GNG7: variants seen among roughly 807,000 people sequenced by gnomAD.
The protein encoded by GNG7 is guanine nucleotide-binding protein G(I)/G(S)/G(O) subunit gamma-7.
In GNG7, 1 loss-of-function variant was observed where a neutral mutation model predicts 4.0. That is an observed-to-expected ratio of 0.25 (90% CI 0.09 to 1.18). GNG7 has a LOEUF of 1.18. Among genes scored for constraint, GNG7 ranks in the 50% most tolerant of loss-of-function variants. The probability of loss-of-function intolerance (pLI) is 0.50; values close to 1 mark genes in which losing one functional copy is unlikely to be tolerated. For missense variants in GNG7, 86 were observed against 91.9 expected (o/e 0.94, Z 0.26); for synonymous variants, 34 against 36.9 (o/e 0.92, Z 0.29).
At chr19:2,568,433 TATAC>T (rs1269186233) in intron 2 of GNG7, among the ~76,000 whole-genome samples, 2 of 135,234 alleles carry the variant, frequency 1.5e-5, no homozygotes, top group Non-Finnish European at 3.2e-5. Context: ...CACACATACA[TATAC>T]ATACACACAT....
At chr19:2,518,023 C>T (rs1291933275) in intron 4 of GNG7, among the ~76,000 whole-genome samples, 1 of 152,200 alleles carries the variant, frequency 6.6e-6, no homozygotes, top group East Asian at 1.9e-4. Flanking sequence ...ATTTGGGAAG[C>T]GGCCCTCCTG....
intron 3 of GNG7, among the ~76,000 whole-genome samples, chr19:2,525,029 G>A (rs1054964671): frequency 1.4e-5 from 2 of 146,876 alleles, no homozygotes; most frequent in Non-Finnish European, 3.0e-5. Flanking sequence ...GTCACCAGCC[G>A]GCACTGACTC....
At chr19:2,561,776 G>A (rs1211582213) in intron 2 of GNG7, among the ~76,000 whole-genome samples, 1 of 152,018 alleles carries the variant, frequency 6.6e-6, no homozygotes, top group Non-Finnish European at 1.5e-5. Flanking sequence ...AGCTACTCGG[G>A]AGGCTGAGGC....
chr19:2,644,153 T>G (rs1357688363), intron 2 of GNG7, among the ~76,000 whole-genome samples: 1 of 151,694 alleles, frequency 6.6e-6, no homozygotes, highest in African/African-American at 2.4e-5. Flanking sequence ...CCCAAGTAGC[T>G]GGGATTACAG....
Position 2,546,603 on chromosome 19 carries a change from G to A in GNG7, c.-38+8546C>T, listed in dbSNP as rs1016756158. Among the ~76,000 whole-genome samples, 3 of 152,202 alleles carry A rather than the reference G, an allele frequency of 2.0e-5. No individual in the cohort carries two copies. Among genetic ancestry groups the A allele is most frequent in the South Asian group, 2.1e-4 (1 of 4,832 alleles). ...GAGGGAATGAATGAGGTGCCCACGA[G>A]AAAGTGAAAAATAGACCAGCGGGGC... On this transcript the variant is annotated intron_variant, in intron 3 of 4. Transcript: ENST00000382159. This position sits in a 1 kb window ranked among gnomAD's most constrained non-coding sequence, Gnocchi z 6.3.
Position 2,614,476 on chromosome 19 carries a change from C to T in GNG7, c.-78+31748G>A, listed in dbSNP as rs1006351153. Among the ~76,000 whole-genome samples the T allele has an allele frequency of 2.0e-5, 3 of 152,140 alleles. No homozygotes were observed. The highest frequency in any genetic ancestry group is 4.4e-5 in the Non-Finnish European group (3 of 68,038). On this transcript the variant is annotated intron_variant, in intron 2 of 4. Coordinates refer to ENST00000382159, the MANE Select transcript of GNG7 (RefSeq NM_052847.3). This position sits in a 1 kb window ranked among gnomAD's most constrained non-coding sequence, Gnocchi z 6.0. ...CCCCCTCCCCAGCCCCTGGCACCCACACATCCCCTTCCTGCCTCTCTAGAC... is the reference window on the plus strand; with the variant it reads ...CCCCCTCCCCAGCCCCTGGCACCCATACATCCCCTTCCTGCCTCTCTAGAC...
intron 1 of GNG7, among the ~76,000 whole-genome samples, chr19:2,649,816 T>C (rs1982762751): frequency 6.6e-6 from 1 of 152,162 alleles, no homozygotes; most frequent in Non-Finnish European, 1.5e-5. Flanking sequence ...CTTTATGTAG[T>C]TCCAGAACAT....
chr19:2,698,706 C>T lies in GNG7; in HGVS notation c.-135+3940G>A, dbSNP rs527773147. 5.9e-5 allele frequency among the ~76,000 whole-genome samples: 9 copies of T among 152,288 alleles called. No individual in the cohort carries two copies. In the South Asian group the frequency reaches 1.7e-3, roughly 28 times the overall value. ...CTCTGGATACGATTTTAAAGACCAT[C>T]GCTGCTTCCAGATGGAACTGAAAAA... On this transcript the variant is annotated intron_variant, in intron 1 of 4. Transcript: ENST00000382159.
intron 2 of GNG7, among the ~76,000 whole-genome samples, chr19:2,621,567 C>G (rs368707560): frequency 2.0e-5 from 3 of 151,346 alleles, no homozygotes; most frequent in Non-Finnish European, 2.9e-5. Context: ...CGTGTTGGTG[C>G]GCGCCTGTAA....
At chr19:2,576,405 G>A (rs1376507494) in intron 2 of GNG7, among the ~76,000 whole-genome samples, 1 of 152,248 alleles carries the variant, frequency 6.6e-6, no homozygotes. Context: ...GTCCCTGGAT[G>A]CTTGCTGACC....
rs149172481 is a variant in GNG7 at position 2,649,579 on chromosome 19, G to A, written c.-134-3299C>T. Reference sequence around the variant, plus strand: ...TAATTTTTGTATTTTTAGTAGAGACGGGGTTTCACCATGTTGGTCAGGCTG... The same window carrying A: ...TAATTTTTGTATTTTTAGTAGAGACAGGGTTTCACCATGTTGGTCAGGCTG... On this transcript the variant is annotated intron_variant, in intron 1 of 4. Transcript: ENST00000382159. 8.6e-3 allele frequency among the ~76,000 whole-genome samples: 1,311 copies of A among 151,716 alleles called. 21 individuals carry two copies. Among genetic ancestry groups the A allele is most frequent in the African/African-American group, 0.03 (1,250 of 41,318 alleles).
intron 3 of GNG7, among the ~76,000 whole-genome samples, chr19:2,541,329 T>A (rs539208024): frequency 6.6e-6 from 1 of 151,852 alleles, no homozygotes; most frequent in Non-Finnish European, 1.5e-5. Context: ...TAAAAATAAA[T>A]GTTCTTGGGG....
At chr19:2,534,378 C>T (rs1427202175) in intron 3 of GNG7, among the ~76,000 whole-genome samples, 1 of 152,218 alleles carries the variant, frequency 6.6e-6, no homozygotes, top group Non-Finnish European at 1.5e-5. Context: ...ATCTGTTCCT[C>T]CCCTACTCAG....
intron 2 of GNG7, among the ~76,000 whole-genome samples, chr19:2,574,256 G>C (rs964708271): frequency 4.6e-5 from 7 of 152,184 alleles, no homozygotes; most frequent in Admixed American, 6.5e-5. Context: ...GATGGGGCTT[G>C]GGGCTTTCAG....
At chr19:2,637,075 A>C (rs1599433653) in intron 2 of GNG7, among the ~76,000 whole-genome samples, 2 of 131,534 alleles carry the variant, frequency 1.5e-5, no homozygotes, top group South Asian at 2.5e-4. Context: ...CCCTACCTGC[A>C]CCCCCCGCAT....
At chr19:2,515,230 A>T in intron 4 of GNG7, 83 bp from the exon 5 acceptor site, 2 of 1,574,602 alleles carry the variant, frequency 1.3e-6, no homozygotes, top group Non-Finnish European at 1.7e-6. Flanking sequence ...CATTCCCAAG[A>T]GCCACAGGCG....
At chr19:2,551,113 TGCCACCTGCCGTCCA>T (rs1979304650) in intron 3 of GNG7, among the ~76,000 whole-genome samples, 1 of 152,210 alleles carries the variant, frequency 6.6e-6, no homozygotes, top group Non-Finnish European at 1.5e-5. Context: ...GGCAGCTCCG[TGCCACCTGCCGTCCA>T]GCCACGCTGC....
At position 2,513,449 on chromosome 19, in the gene GNG7, G is replaced by C; in HGVS notation, c.*1573C>G. 1.1e-6 allele frequency: 1 copy of C among 939,014 alleles called. No individual in the cohort carries two copies. Among genetic ancestry groups the C allele is most frequent in the Non-Finnish European group, 1.3e-6 (1 of 787,644 alleles). The allele number at this position is 939,014 out of a possible 1,614,324, so 58.2% of individuals were successfully genotyped here. A position where few individuals can be genotyped will look rare whatever the true frequency, so the allele number is the denominator to read the frequency against. On this transcript the variant is annotated 3_prime_UTR_variant, in exon 5 of 5. Coordinates refer to ENST00000382159, the MANE Select transcript of GNG7 (RefSeq NM_052847.3). ...GCCGCAGGTGATGCCGGCAGGCCCT[G>C]GAAGATGTGGCTGCACCTGCTCCCG... is the stretch of plus-strand genomic sequence containing the variant.
At chr19:2,594,288 G>A (rs1259951854) in intron 2 of GNG7, among the ~76,000 whole-genome samples, 1 of 151,888 alleles carries the variant, frequency 6.6e-6, no homozygotes, top group African/African-American at 2.4e-5. Context: ...CAGGAGAATC[G>A]CTTGAACCTG....
Sources: allele counts gnomAD v4.1 joint callset (sites outside exome capture counted in the v4.1 genomes callset), GRCh38; gene constraint gnomAD v4.1.1; non-coding constraint Gnocchi (gnomAD v3.1); transcripts MANE v1.5; gene names NCBI Gene and HGNC (gene_info 2026-07-23, HGNC 2026-07-21).